AGBL4: variants seen among roughly 807,000 people sequenced by gnomAD.
The protein encoded by AGBL4 is AGBL carboxypeptidase 4, also known as cytosolic carboxypeptidase 6.
In AGBL4, 58 loss-of-function variants were observed where a neutral mutation model predicts 66.4. The observed-to-expected ratio is 0.87, with a 90% CI of 0.71 to 1.09. AGBL4 has a LOEUF of 1.09. Ranked by LOEUF, AGBL4 falls within the 50% of genes least tolerant of loss-of-function variation. AGBL4 has a pLI of 0.00. For synonymous variants in AGBL4, 234 were observed against 222.9 expected (o/e 1.05, Z -0.44); for missense variants, 579 against 631.0 (o/e 0.92, Z 0.88).
chr1:49,531,393 A>C (rs1300728115), intron 3 of AGBL4, among the ~76,000 whole-genome samples: 2 of 152,104 alleles, frequency 1.3e-5, no homozygotes, highest in Non-Finnish European at 2.9e-5. Context: ...TATTCCCTAG[A>C]CTTTACTGAA....
chr1:48,640,838 T>C (rs961779654), intron 8 of AGBL4, among the ~76,000 whole-genome samples: 1 of 152,246 alleles, frequency 6.6e-6, no homozygotes, highest in Non-Finnish European at 1.5e-5. Context: ...GTTATACAAA[T>C]GCCAAATAAA....
chr1:48,818,307 A>G (rs1646233719), intron 6 of AGBL4: 2 of 715,778 alleles, frequency 2.8e-6, no homozygotes, highest in Non-Finnish European at 5.2e-6. Context: ...GAAAATATTT[A>G]TGGCCATATT....
chr1:48,786,685 C>T (rs1645414685), intron 6 of AGBL4, among the ~76,000 whole-genome samples: 1 of 152,180 alleles, frequency 6.6e-6, no homozygotes, highest in Non-Finnish European at 1.5e-5. Flanking sequence ...ATTTTTTAAG[C>T]TCTTTGAGGT....
At chr1:49,916,575 G>C (rs1309866156) in intron 1 of AGBL4, among the ~76,000 whole-genome samples, 2 of 152,220 alleles carry the variant, frequency 1.3e-5, no homozygotes, top group African/African-American at 4.8e-5. Flanking sequence ...CAAGAAATAT[G>C]TGACTTTGTG....
chr1:49,721,045 C>T (rs1648565788), intron 2 of AGBL4, among the ~76,000 whole-genome samples: 1 of 152,086 alleles, frequency 6.6e-6, no homozygotes, highest in Non-Finnish European at 1.5e-5. Flanking sequence ...ATGCACCAAT[C>T]AGCACTCTGT....
intron 5 of AGBL4, among the ~76,000 whole-genome samples, chr1:48,994,246 A>G (rs1224761226): frequency 1.3e-5 from 2 of 152,008 alleles, no homozygotes; most frequent in Admixed American, 6.6e-5. Flanking sequence ...TCCCTAATTG[A>G]CATTTCTTTC....
downstream of AGBL4, among the ~76,000 whole-genome samples, chr1:48,532,142 G>T (rs1327924640): frequency 6.6e-6 from 1 of 152,126 alleles, no homozygotes; most frequent in Non-Finnish European, 1.5e-5. Flanking sequence ...TAATGGGGAA[G>T]GATTTGCAGA....
intron 3 of AGBL4, among the ~76,000 whole-genome samples, chr1:49,531,114 A>G (rs1016658389): frequency 1.3e-4 from 20 of 152,106 alleles, no homozygotes; most frequent in African/African-American, 4.3e-4. Context: ...TAATTTTGAT[A>G]TCAAGTTAGA....
intron 5 of AGBL4, among the ~76,000 whole-genome samples, chr1:48,929,166 T>A (rs1571023812): frequency 6.6e-6 from 1 of 152,202 alleles, no homozygotes; most frequent in East Asian, 1.9e-4. Context: ...AACAGAGATA[T>A]CCTTTTAAAA....
chr1:49,118,285 G>C (rs764090606), intron 4 of AGBL4, among the ~76,000 whole-genome samples: 4 of 152,112 alleles, frequency 2.6e-5, no homozygotes, highest in Non-Finnish European at 5.9e-5. Flanking sequence ...GAGCATCCTT[G>C]TCTTGTGCTG....
chr1:49,857,174 G>A (rs1646457001), intron 1 of AGBL4, among the ~76,000 whole-genome samples: 1 of 151,544 alleles, frequency 6.6e-6, no homozygotes, highest in Non-Finnish European at 1.5e-5. Flanking sequence ...TTAACCAACG[G>A]GCTGAAAGAC....
At chr1:48,826,690 A>AAGT (rs1449031047) in intron 6 of AGBL4, among the ~76,000 whole-genome samples, 1 of 152,228 alleles carries the variant, frequency 6.6e-6, no homozygotes, top group African/African-American at 2.4e-5. Context: ...GGAGAAGAAT[A>AAGT]AGTTTTATCT....
chr1:49,459,031 CT>C (rs1275191213), intron 3 of AGBL4, among the ~76,000 whole-genome samples: 1 of 150,702 alleles, frequency 6.6e-6, no homozygotes, highest in East Asian at 2.0e-4. Context: ...CTTCCTTCCT[CT>C]TTTCTTTCTT....
chr1:49,748,965 C>T (rs1016694582), intron 2 of AGBL4, among the ~76,000 whole-genome samples: 1 of 152,042 alleles, frequency 6.6e-6, no homozygotes, highest in Non-Finnish European at 1.5e-5. Context: ...GTTGTCTGTT[C>T]GTTCTAATGA....
intron 5 of AGBL4, among the ~76,000 whole-genome samples, chr1:48,967,216 G>C (rs1301929598): frequency 1.3e-5 from 2 of 151,606 alleles, no homozygotes; most frequent in African/African-American, 4.8e-5. Context: ...ATATGGCCAA[G>C]GCATTCTTGC....
chr1:49,869,526 C>T (rs191250053), intron 1 of AGBL4, among the ~76,000 whole-genome samples: 4 of 152,212 alleles, frequency 2.6e-5, no homozygotes, highest in Admixed American at 2.6e-4. Context: ...TTCTCACTTA[C>T]AAGTGGAAGC....
chr1:48,852,469 T>C lies in AGBL4; in HGVS notation c.634+14722A>G, dbSNP rs1411391074. On this transcript the variant is annotated intron_variant, in intron 6 of 13. Transcript: ENST00000371839. The stretch of plus-strand genomic sequence containing the variant: ...AATCTCTAGGAACTCCTAATGTATG[T>C]ACTTGGATCACACTTGCCTGAATTC... Among the ~76,000 whole-genome samples the C allele has an allele frequency of 5.3e-5, 8 of 152,326 alleles. No homozygotes were observed. The East Asian group carries it at 1.5e-3, about 29-fold the overall frequency.
chr1:49,409,113 C>T (rs1387008926), intron 3 of AGBL4, among the ~76,000 whole-genome samples: 1 of 150,894 alleles, frequency 6.6e-6, no homozygotes, highest in Non-Finnish European at 1.5e-5. Context: ...TTCTGTCTCC[C>T]CTCTCCTTCC....
intron 1 of AGBL4, among the ~76,000 whole-genome samples, chr1:49,946,784 A>G (rs1655247708): frequency 1.3e-5 from 2 of 151,964 alleles, no homozygotes; most frequent in Admixed American, 6.6e-5. Context: ...CTTTGAAAAG[A>G]TAAATAAAAT....
Sources: gnomAD v4.1 joint callset for allele counts (sites outside exome capture counted in the v4.1 genomes callset) on GRCh38, gnomAD v4.1.1 for gene constraint, MANE v1.5 for transcripts, NCBI Gene and HGNC (gene_info 2026-07-23, HGNC 2026-07-21) for gene names.